The following MAP3K3 variants were observed in gnomAD, a reference collection of about 807,000 sequenced individuals.
The protein encoded by MAP3K3 is mitogen-activated protein kinase kinase kinase 3.
In MAP3K3, 12 loss-of-function variants were observed where a neutral mutation model predicts 80.9. The ratio of observed to expected loss-of-function variants is 0.15; its 90% CI spans 0.10 to 0.24. The LOEUF (loss-of-function observed/expected upper bound fraction) is 0.24. Ranked by LOEUF, MAP3K3 falls within the 10% of genes least tolerant of loss-of-function variation. MAP3K3 has a pLI of 1.00. For missense variants in MAP3K3, 596 were observed against 834.7 expected (o/e 0.71, Z 3.52); for synonymous variants, 272 against 307.1 (o/e 0.89, Z 1.19).
intron 4 of MAP3K3, among the ~76,000 whole-genome samples, chr17:63,655,757 A>G (rs1030648353): frequency 4.6e-5 from 7 of 152,052 alleles, no homozygotes; most frequent in African/African-American, 1.7e-4. Flanking sequence ...GCCTCCTAGG[A>G]TTACAGGTGT....
In MAP3K3 at chr17:63,691,939, A is replaced by G; in HGVS notation, c.1474+77A>G. 1 of 1,502,628 alleles carries G rather than the reference A, an allele frequency of 6.7e-7. No individual in the cohort carries two copies. The highest frequency in any genetic ancestry group is 9.2e-7 in the Non-Finnish European group (1 of 1,092,390). 93.1% of individuals were successfully genotyped at this position (1,502,628 alleles called of 1,614,324 possible). Reference sequence around the variant, plus strand: ...CATTGAGTGCCTGCAGGGGCCAATCACTTAACCATTCTGAACTTTCTGAAA... The same window carrying G: ...CATTGAGTGCCTGCAGGGGCCAATCGCTTAACCATTCTGAACTTTCTGAAA... On this transcript the variant is annotated intron_variant, in intron 14 of 15. Transcript: ENST00000361733. The surrounding 1 kb of genome is among the most constrained non-coding windows in gnomAD (Gnocchi z 4.8).
intron 1 of MAP3K3, among the ~76,000 whole-genome samples, chr17:63,625,053 T>C (rs1416276535): frequency 6.6e-6 from 1 of 152,230 alleles, no homozygotes; most frequent in African/African-American, 2.4e-5. Context: ...GACTTCTTAG[T>C]ATTTTAGTTA....
intron 2 of MAP3K3, among the ~76,000 whole-genome samples, chr17:63,636,199 C>T (rs919038753): frequency 6.6e-6 from 1 of 152,134 alleles, no homozygotes; most frequent in Admixed American, 6.6e-5. Context: ...ATCCTTTTCC[C>T]TAAGTAAACA....
intron 5 of MAP3K3, among the ~76,000 whole-genome samples, chr17:63,662,244 GAAAAAAAAAA>G (rs35789105): frequency 2.5e-5 from 2 of 81,166 alleles, no homozygotes; most frequent in Non-Finnish European, 5.1e-5. Flanking sequence ...TGTCTCTATT[GAAAAAAAAAA>G]AAAAAAAACG....
chr17:63,625,172 A>G (rs988449209), intron 1 of MAP3K3, among the ~76,000 whole-genome samples: 5 of 152,264 alleles, frequency 3.3e-5, no homozygotes, highest in Non-Finnish European at 5.9e-5. Context: ...TCTAAGCCCA[A>G]GACTGAAGCC....
rs1014944327 is a variant in MAP3K3 at position 63,694,041 on chromosome 17, A to T, written c.*264A>T. On this transcript the variant is annotated 3_prime_UTR_variant, in exon 16 of 16. Coordinates refer to ENST00000361733, the MANE Select transcript of MAP3K3 (RefSeq NM_002401.5). ...GCGTGGAGGGGTAGGGGCTGGGAAC[A>T]GTGTGCAAGGCAGCCGTGGGCCCCA... 6.9e-6 allele frequency: 3 copies of T among 436,680 alleles called. No homozygotes were observed. Among genetic ancestry groups the T allele is most frequent in the Non-Finnish European group, 8.1e-6 (2 of 245,538 alleles). 27.1% of individuals were successfully genotyped at this position (436,680 alleles called of 1,614,324 possible).
intron 6 of MAP3K3, among the ~76,000 whole-genome samples, chr17:63,679,769 G>A (rs751553791): frequency 6.6e-6 from 1 of 152,158 alleles, no homozygotes; most frequent in Non-Finnish European, 1.5e-5. Context: ...ACTGCACCTG[G>A]CCACACATGA....
At chr17:63,678,410 A>C (rs996169312) in intron 6 of MAP3K3, among the ~76,000 whole-genome samples, 2 of 152,246 alleles carry the variant, frequency 1.3e-5, no homozygotes, top group Non-Finnish European at 2.9e-5. Flanking sequence ...GGCATGGCTC[A>C]GATACCACTT....
In MAP3K3 at chr17:63,692,571, GCA is replaced by G; in HGVS notation, c.1652+160_1652+161del. 2 of 760,004 alleles carry G rather than the reference GCA, an allele frequency of 2.6e-6. No individual in the cohort carries two copies. The highest frequency in any genetic ancestry group is 2.8e-5 in the East Asian group (1 of 35,750). The allele number at this position is 760,004 out of a possible 1,614,324, so 47.1% of individuals were successfully genotyped here. ...TGCAAGGGTATTATTGGGTGCAGTA[GCA>G]CACACACCACATGGGTGGTGCTCAA... On this transcript the variant is annotated intron_variant, in intron 15 of 15. Coordinates refer to ENST00000361733, the MANE Select transcript of MAP3K3 (RefSeq NM_002401.5). This position sits in a 1 kb window ranked among gnomAD's most constrained non-coding sequence, Gnocchi z 4.5.
chr17:63,693,481 C>T lies in MAP3K3; in HGVS notation c.1653-68C>T. 1.4e-6 allele frequency: 2 copies of T among 1,379,646 alleles called. No individual in the cohort carries two copies. Among genetic ancestry groups the T allele is most frequent in the East Asian group, 2.4e-5 (1 of 41,478 alleles). The allele number at this position is 1,379,646 out of a possible 1,614,324, so 85.5% of individuals were successfully genotyped here. A position where few individuals can be genotyped will look rare whatever the true frequency, so the allele number is the denominator to read the frequency against. ...GCTGTGAGAAAGGCGCCTCTTTCTG[C>T]AGTGGTGGGCAGGACAGCTGGGAGT... On this transcript the variant is annotated intron_variant, in intron 15 of 15. Transcript: ENST00000361733. This position sits in a 1 kb window ranked among gnomAD's most constrained non-coding sequence, Gnocchi z 4.2.
Position 63,632,496 on chromosome 17 carries a change from A to G in MAP3K3, c.5-185A>G, listed in dbSNP as rs183619505. Among the ~76,000 whole-genome samples the G allele has an allele frequency of 4.6e-4, 70 of 152,166 alleles. 1 individual carries two copies. Among genetic ancestry groups the G allele is most frequent in the African/African-American group, 1.7e-3 (69 of 41,508 alleles). ...GACAGAGCAAGACCTTGTCTCGAAG[A>G]AAAAAAAGAATCCATTAAAATTCAA... is the stretch of plus-strand genomic sequence containing the variant. On this transcript the variant is annotated intron_variant, in intron 1 of 15. Coordinates refer to ENST00000361733, the MANE Select transcript of MAP3K3 (RefSeq NM_002401.5).
rs2034010837 is a variant in MAP3K3, at chr17:63,622,678, C to T, written c.-82C>T. On this transcript the variant is annotated 5_prime_UTR_variant, in exon 1 of 16. Transcript: ENST00000361733. ...GCGGAGCCAGGCCCGCTGCCGTCCC[C>T]GCCGCCCGGGCCCCCGGCATGCAGC... The T allele has an allele frequency of 2.8e-5, 11 of 395,914 alleles. No individual in the cohort carries two copies. Among genetic ancestry groups the T allele is most frequent in the South Asian group, 2.0e-4 (11 of 54,404 alleles). The allele number at this position is 395,914 out of a possible 1,614,324, so 24.5% of individuals were successfully genotyped here. A position where few individuals can be genotyped will look rare whatever the true frequency, so the allele number is the denominator to read the frequency against.
chr17:63,655,898 C>G (rs980911350), intron 4 of MAP3K3, among the ~76,000 whole-genome samples: 1 of 152,148 alleles, frequency 6.6e-6, no homozygotes. Context: ...AGAACATTCT[C>G]CCATTCCATA....
chr17:63,669,934 C>T (rs1339335361), intron 6 of MAP3K3, among the ~76,000 whole-genome samples: 2 of 151,702 alleles, frequency 1.3e-5, no homozygotes, highest in Admixed American at 1.3e-4. Flanking sequence ...AAAACCCCGT[C>T]TCTACAAAAA....
chr17:63,690,718 C>A, intron 12 of MAP3K3: 1 of 438,426 alleles, frequency 2.3e-6, no homozygotes, highest in Non-Finnish European at 4.2e-6. Context: ...GTATCTCTCC[C>A]CAGCTCTCAG....
intron 5 of MAP3K3, among the ~76,000 whole-genome samples, chr17:63,659,125 G>A (rs1247208638): frequency 6.6e-6 from 1 of 152,214 alleles, no homozygotes; most frequent in East Asian, 1.9e-4. Flanking sequence ...ACCCACTTTA[G>A]CCTTGCAAAG....
At position 63,684,166 on chromosome 17, in the gene MAP3K3, A is replaced by T. The variant is rs145425651; in HGVS notation, c.637-1351A>T. ...ACAACAGCACCAACAACAAAATGCT[A>T]GCACAATGTAACGTCCTTCACTCCC... On this transcript the variant is annotated intron_variant, in intron 7 of 15. Coordinates refer to ENST00000361733, the MANE Select transcript of MAP3K3 (RefSeq NM_002401.5). Among the ~76,000 whole-genome samples the T allele has an allele frequency of 3.3e-5, 5 of 152,314 alleles. No individual in the cohort carries two copies. In the East Asian group the frequency reaches 9.6e-4, roughly 29 times the overall value.
At chr17:63,645,751 G>A (rs1598075821) in intron 2 of MAP3K3, among the ~76,000 whole-genome samples, 1 of 149,144 alleles carries the variant, frequency 6.7e-6, no homozygotes, top group East Asian at 1.9e-4. Flanking sequence ...TGTAGAAATA[G>A]GGTGTGTATG....
At chr17:63,673,231 G>C (rs1598104115) in intron 6 of MAP3K3, among the ~76,000 whole-genome samples, 1 of 152,126 alleles carries the variant, frequency 6.6e-6, no homozygotes, top group Admixed American at 6.5e-5. Flanking sequence ...CTGCTCCCTT[G>C]AGCAACAGAT....
Sources: allele counts gnomAD v4.1 joint callset (sites outside exome capture counted in the v4.1 genomes callset), GRCh38; gene constraint gnomAD v4.1.1; non-coding constraint Gnocchi (gnomAD v3.1); transcripts MANE v1.5; gene names NCBI Gene and HGNC (gene_info 2026-07-23, HGNC 2026-07-21).